Variants in GPR149 observed in about 807,000 individuals in gnomAD.
GPR149 encodes the protein probable G protein-coupled receptor 149.
Under a neutral mutation model 50.2 loss-of-function variants are expected in GPR149, and 50 were observed. That is an observed-to-expected ratio of 1.00 (90% confidence interval 0.79 to 1.26). The LOEUF is 1.26. Among genes scored for constraint, GPR149 ranks in the 50% most tolerant of loss-of-function variants. The pLI, the probability that GPR149 is intolerant of heterozygous loss-of-function variation, is 0.00. For missense variants in GPR149, 983 were observed against 895.4 expected (o/e 1.10, Z -1.25); for synonymous variants, 405 against 358.2 (o/e 1.13, Z -1.48).
intron 3 of GPR149, among the ~76,000 whole-genome samples, chr3:154,358,871 G>T (rs750630965): frequency 1.7e-4 from 26 of 152,078 alleles, no homozygotes; most frequent in Non-Finnish European, 1.8e-4. Context: ...GTGCATGGGT[G>T]TTTGTATATA....
At chr3:154,375,473 A>G (rs1714770620) in intron 3 of GPR149, among the ~76,000 whole-genome samples, 1 of 152,230 alleles carries the variant, frequency 6.6e-6, no homozygotes, top group Non-Finnish European at 1.5e-5. Context: ...TATTTTTACC[A>G]GAGGACTGTA....
rs375434429 is a variant in GPR149, at chr3:154,337,918, G to A, written c.1977C>T (p.Asn659=). The A allele has an allele frequency of 2.5e-6, 4 of 1,612,780 alleles. No homozygotes were observed. In the African/African-American group the frequency reaches 5.3e-5, roughly 22 times the overall value. The change falls in exon 4 of 4, where the codon AAC becomes AAT. Residue 659 remains asparagine (N), a synonymous_variant. Coordinates refer to ENST00000389740, the MANE Select transcript of GPR149 (RefSeq NM_001038705.3). The part of the protein sequence containing the change: ...SPSLRYSRKE[N]RFVSCDLGET... ...CCCCTAGGTCACATGAAACAAATCT[G>A]TTTTCTTTCCTGGAGTAACGTAGGG...
Position 154,429,321 on chromosome 3 carries a change from C to A in GPR149, c.295G>T (p.Gly99Cys). 6.2e-7 allele frequency: 1 copy of A among 1,614,144 alleles called. No individual in the cohort carries two copies. Among genetic ancestry groups the A allele is most frequent in the Non-Finnish European group, 8.5e-7 (1 of 1,180,034 alleles). The change falls in exon 1 of 4, where the codon GGT becomes TGT. Residue 99 changes from glycine (G) to cysteine (C), a missense_variant. Coordinates refer to ENST00000389740, the MANE Select transcript of GPR149 (RefSeq NM_001038705.3). ...MFLQWPNEVP[G>C]YFQFLCTTSA... ...GTGGTGCACAGAAATTGGAAGTAAC[C>A]GGGGACCTCGTTTGGCCACTGCAAA...
chr3:154,338,352 A>G (rs1713707150), intron 3 of GPR149, 81 bp from the exon 4 acceptor site: 3 of 1,145,926 alleles, frequency 2.6e-6, no homozygotes, highest in Non-Finnish European at 3.7e-6. Context: ...TGTTCATCAG[A>G]ATGATAAAGG....
At chr3:154,392,771 A>C (rs1715199863) in intron 3 of GPR149, among the ~76,000 whole-genome samples, 2 of 151,898 alleles carry the variant, frequency 1.3e-5, no homozygotes, top group Admixed American at 1.3e-4. Flanking sequence ...CCAAACTATT[A>C]ATAAAAAGAT....
Position 154,421,037 on chromosome 3 carries a change from A to T in GPR149, c.1623+2T>A. Reference sequence around the variant, plus strand: ...TAACAGCAAGAACAACTTTTACTGTACCTGACGAGGGGTTCTTTCTGATTT... The same window carrying T: ...TAACAGCAAGAACAACTTTTACTGTTCCTGACGAGGGGTTCTTTCTGATTT... On this transcript the variant is annotated splice_donor_variant, in intron 3 of 3. Transcript: ENST00000389740. LOFTEE classifies it high-confidence loss of function. The T allele has an allele frequency of 6.3e-7, 1 of 1,589,736 alleles. No individual in the cohort carries two copies. Among genetic ancestry groups the T allele is most frequent in the African/African-American group, 1.4e-5 (1 of 73,734 alleles).
chr3:154,348,274 T>G (rs1223446920), intron 3 of GPR149, among the ~76,000 whole-genome samples: 1 of 152,210 alleles, frequency 6.6e-6, no homozygotes, highest in Non-Finnish European at 1.5e-5. Context: ...TGCAGTAGTT[T>G]ATTCTTGTAG....
At position 154,335,885 on chromosome 3, in the gene GPR149, T is replaced by C. The variant is rs1713645132; in HGVS notation, c.*1814A>G. 1 of 152,096 alleles carries C rather than the reference T, an allele frequency of 6.6e-6. No individual in the cohort carries two copies. Among genetic ancestry groups the C allele is most frequent in the South Asian group, 2.1e-4 (1 of 4,834 alleles). 9.4% of individuals were successfully genotyped at this position (152,096 alleles called of 1,614,324 possible). A position where few individuals can be genotyped will look rare whatever the true frequency, so the allele number is the denominator to read the frequency against. On this transcript the variant is annotated 3_prime_UTR_variant, in exon 4 of 4. Coordinates refer to ENST00000389740, the MANE Select transcript of GPR149 (RefSeq NM_001038705.3). Reference sequence around the variant, plus strand: ...AAAGCAGCAATATCACCTTTCTCTTTCAGAAAATTATACATCTAAGTTTAA... The same window carrying C: ...AAAGCAGCAATATCACCTTTCTCTTCCAGAAAATTATACATCTAAGTTTAA...
At chr3:154,379,337 T>C (rs1243564004) in intron 3 of GPR149, among the ~76,000 whole-genome samples, 3 of 152,108 alleles carry the variant, frequency 2.0e-5, no homozygotes, top group African/African-American at 7.2e-5. Flanking sequence ...CTATTCATTT[T>C]CTTAATGATG....
chr3:154,416,095 A>C (rs1711979889), intron 3 of GPR149, among the ~76,000 whole-genome samples: 1 of 151,884 alleles, frequency 6.6e-6, no homozygotes, highest in South Asian at 2.1e-4. Context: ...TTTTTTAAAT[A>C]GTTTATTTTT....
intron 3 of GPR149, among the ~76,000 whole-genome samples, chr3:154,341,034 T>C (rs140122733): frequency 6.6e-6 from 1 of 152,180 alleles, no homozygotes; most frequent in East Asian, 1.9e-4. Context: ...TTTACAATTT[T>C]AAAACCTTGC....
chr3:154,390,241 C>T (rs1715140276), intron 3 of GPR149, among the ~76,000 whole-genome samples: 1 of 151,996 alleles, frequency 6.6e-6, no homozygotes, highest in African/African-American at 2.4e-5. Context: ...CGATAATCTT[C>T]CAGAAACCAA....
At chr3:154,419,674 G>T (rs1197764781) in intron 3 of GPR149, among the ~76,000 whole-genome samples, 1 of 152,036 alleles carries the variant, frequency 6.6e-6, no homozygotes, top group Non-Finnish European at 1.5e-5. Flanking sequence ...GACTAGCACA[G>T]AAGGTAGTTA....
intron 3 of GPR149, among the ~76,000 whole-genome samples, chr3:154,359,631 C>T (rs1714334363): frequency 6.6e-6 from 1 of 152,170 alleles, no homozygotes; most frequent in Non-Finnish European, 1.5e-5. Context: ...TCCTACTTTG[C>T]TGGCTAGACA....
chr3:154,371,884 T>C (rs907637280), intron 3 of GPR149, among the ~76,000 whole-genome samples: 24 of 152,170 alleles, frequency 1.6e-4, no homozygotes, highest in Non-Finnish European at 4.4e-5. Context: ...TTAACCTCCT[T>C]GTCAAATTTG....
intron 3 of GPR149, among the ~76,000 whole-genome samples, chr3:154,348,087 T>C (rs1051839575): frequency 2.0e-5 from 3 of 152,282 alleles, no homozygotes; most frequent in South Asian, 2.1e-4. Flanking sequence ...GCCTCATACA[T>C]AGTAAGTGCT....
At chr3:154,381,829 A>G (rs1714935547) in intron 3 of GPR149, among the ~76,000 whole-genome samples, 2 of 32,444 alleles carry the variant, frequency 6.2e-5, no homozygotes, top group African/African-American at 1.0e-4. Context: ...GATGTGCACT[A>G]TTAAAAAAAA....
intron 2 of GPR149, among the ~76,000 whole-genome samples, chr3:154,425,771 A>T (rs1712272884): frequency 6.6e-6 from 1 of 152,156 alleles, no homozygotes; most frequent in Non-Finnish European, 1.5e-5. Flanking sequence ...AACCTGTGAT[A>T]TGAGTGTGAC....
At chr3:154,371,240 A>G (rs1714657446) in intron 3 of GPR149, among the ~76,000 whole-genome samples, 1 of 152,240 alleles carries the variant, frequency 6.6e-6, no homozygotes, top group Admixed American at 6.5e-5. Context: ...AGCAGAGACT[A>G]GTGCAAGACC....
Sources: gnomAD v4.1 joint callset for allele counts (sites outside exome capture counted in the v4.1 genomes callset) on GRCh38, gnomAD v4.1.1 for gene constraint, MANE v1.5 for transcripts, NCBI Gene and HGNC (gene_info 2026-07-23, HGNC 2026-07-21) for gene names.